The following FSTL4 variants were observed in gnomAD, a reference collection of about 807,000 sequenced individuals.
FSTL4 encodes follistatin-related protein 4.
A neutral mutation model predicts 78.2 loss-of-function variants in FSTL4; 28 were observed. The observed-to-expected ratio is 0.36, with a 90% CI of 0.27 to 0.49. The LOEUF (loss-of-function observed/expected upper bound fraction) is 0.49. FSTL4 is among the 20% of genes least tolerant of loss of function. The pLI is 0.98. For missense variants in FSTL4, 922 were observed against 1,084.9 expected, an observed-to-expected ratio of 0.85 and a Z score of 2.11; for synonymous variants, 422 against 440.5, an observed-to-expected ratio of 0.96 and a Z score of 0.53.
At chr5:133,574,593 T>C (rs1416245764) in intron 2 of FSTL4, among the ~76,000 whole-genome samples, 1 of 152,240 alleles carries the variant, frequency 6.6e-6, no homozygotes, top group Non-Finnish European at 1.5e-5. Context: ...ATTTAACTCC[T>C]AAGTAAATGT....
intron 6 of FSTL4, among the ~76,000 whole-genome samples, chr5:133,253,810 A>C (rs1055333059): frequency 4.5e-4 from 69 of 152,186 alleles, no homozygotes; most frequent in Non-Finnish European, 2.4e-4. Context: ...ACCACATAGA[A>C]TCCAGAAGAG....
chr5:133,313,339 G>A (rs1335624757), intron 5 of FSTL4, among the ~76,000 whole-genome samples: 1 of 152,090 alleles, frequency 6.6e-6, no homozygotes, highest in Non-Finnish European at 1.5e-5. Flanking sequence ...CTTCCCCCCT[G>A]CCTGCCTTGT....
Position 133,249,429 on chromosome 5 carries a change from AG to A in FSTL4, c.874del (p.Leu292TrpfsTer20). 6.2e-7 allele frequency: 1 copy of A among 1,613,926 alleles called. No homozygotes were observed. Among genetic ancestry groups the A allele is most frequent in the Non-Finnish European group, 8.5e-7 (1 of 1,179,836 alleles). ...ACTTACATTGATGTCTTCCAAGTCC[AG>A]GAAGTTCAGGGTGAGCCCGTTGCGC... ...WKRNGLTLNF[L>X]DLEDINDFGE... On this transcript the variant is annotated frameshift_variant, in exon 7 of 16. Transcript: ENST00000265342. LOFTEE classifies it high-confidence loss of function.
chr5:133,527,195 T>C (rs909431319), intron 3 of FSTL4, among the ~76,000 whole-genome samples: 2 of 152,184 alleles, frequency 1.3e-5, no homozygotes, highest in Admixed American at 6.5e-5. Context: ...TTATCCTTTA[T>C]TTTGATTCTG....
intron 4 of FSTL4, among the ~76,000 whole-genome samples, chr5:133,332,232 G>A (rs1292624463): frequency 6.6e-6 from 1 of 152,252 alleles, no homozygotes; most frequent in Non-Finnish European, 1.5e-5. Flanking sequence ...CGGGAAAGGA[G>A]CGAAAGCAGC....
At chr5:133,815,651 T>C in the FSTL4 span, among the ~76,000 whole-genome samples, 2 of 152,196 alleles carry the variant, frequency 1.3e-5, no homozygotes, top group Admixed American at 6.5e-5. Flanking sequence ...TTCCTCCAAA[T>C]CTACTAAAGC....
At chr5:133,275,530 A>G (rs1225860044) in intron 6 of FSTL4, among the ~76,000 whole-genome samples, 1 of 150,864 alleles carries the variant, frequency 6.6e-6, no homozygotes, top group African/African-American at 2.5e-5. Context: ...ACTGCACTCT[A>G]GCCTGGGCAA....
chr5:133,456,954 A>T (rs1395728161), intron 3 of FSTL4, among the ~76,000 whole-genome samples: 1 of 152,148 alleles, frequency 6.6e-6, no homozygotes, highest in African/African-American at 2.4e-5. Context: ...TGCCCTTCAG[A>T]TCTCTACACA....
At chr5:133,574,058 T>A (rs974187548) in intron 2 of FSTL4, among the ~76,000 whole-genome samples, 2 of 152,190 alleles carry the variant, frequency 1.3e-5, no homozygotes, top group Admixed American at 1.3e-4. Flanking sequence ...AATTAGGACT[T>A]CTGTTTATTA....
chr5:133,808,770 G>A, the FSTL4 span, among the ~76,000 whole-genome samples: 1 of 152,036 alleles, frequency 6.6e-6, no homozygotes, highest in Non-Finnish European at 1.5e-5. Context: ...CTTCTGTGCT[G>A]GAGGAGAAGA....
chr5:133,718,920 C>T, the FSTL4 span, among the ~76,000 whole-genome samples: 2 of 152,084 alleles, frequency 1.3e-5, no homozygotes, highest in African/African-American at 4.8e-5. Flanking sequence ...AAAGAATAAG[C>T]AACATATATT....
At chr5:133,372,528 A>G (rs1250908996) in intron 4 of FSTL4, among the ~76,000 whole-genome samples, 1 of 152,186 alleles carries the variant, frequency 6.6e-6, no homozygotes, top group African/African-American at 2.4e-5. Context: ...AAGCCAGCCA[A>G]CAGGCTTCTG....
chr5:133,485,699 G>A (rs114849637), intron 3 of FSTL4, among the ~76,000 whole-genome samples: 2,879 of 152,330 alleles, frequency 0.019, 45 homozygotes, highest in Middle Eastern at 0.037. Flanking sequence ...CTGCAGCAAC[G>A]TTCGGGTCCT....
chr5:133,470,176 C>T (rs971550849), intron 3 of FSTL4, among the ~76,000 whole-genome samples: 3 of 152,096 alleles, frequency 2.0e-5, no homozygotes, highest in South Asian at 2.1e-4. Flanking sequence ...TCCTTACTTC[C>T]GTATTGGAGT....
the FSTL4 span, among the ~76,000 whole-genome samples, chr5:133,805,201 AG>A: frequency 1.3e-5 from 2 of 151,946 alleles, no homozygotes; most frequent in Non-Finnish European, 2.9e-5. Flanking sequence ...CCAGGCCCCT[AG>A]GGAGGCAATG....
chr5:133,362,163 T>G (rs1214307596), intron 4 of FSTL4, among the ~76,000 whole-genome samples: 1 of 152,262 alleles, frequency 6.6e-6, no homozygotes, highest in Admixed American at 6.5e-5. Flanking sequence ...CTGTATCAGT[T>G]GTATTTGTAG....
chr5:133,279,076 CA>C (rs1376906417), intron 6 of FSTL4, among the ~76,000 whole-genome samples: 1 of 152,198 alleles, frequency 6.6e-6, no homozygotes, highest in Non-Finnish European at 1.5e-5. Flanking sequence ...GGGGTTCGTG[CA>C]AAAGAATGTC....
the FSTL4 span, among the ~76,000 whole-genome samples, chr5:133,662,726 C>T: frequency 6.6e-6 from 1 of 152,186 alleles, no homozygotes; most frequent in Non-Finnish European, 1.5e-5. Flanking sequence ...CTCCCCAGGG[C>T]TGTGCTTACT....
the FSTL4 span, among the ~76,000 whole-genome samples, chr5:133,663,486 T>C: frequency 6.6e-6 from 1 of 152,212 alleles, no homozygotes; most frequent in Non-Finnish European, 1.5e-5. Flanking sequence ...GAACAGCCAT[T>C]GGTTAACTGA....
Sources: gnomAD v4.1 joint callset for allele counts (sites outside exome capture counted in the v4.1 genomes callset) on GRCh38, gnomAD v4.1.1 for gene constraint, MANE v1.5 for transcripts, NCBI Gene and HGNC (gene_info 2026-07-23, HGNC 2026-07-21) for gene names.